The following OCLN variants were observed in gnomAD, a reference collection of about 807,000 sequenced individuals.
OCLN encodes occludin, also known as phosphatase 1, regulatory subunit 115.
In OCLN, 21 loss-of-function variants were observed where a neutral mutation model predicts 47.9. The ratio of observed to expected loss-of-function variants is 0.44; its 90% confidence interval spans 0.31 to 0.63. The LOEUF (loss-of-function observed/expected upper bound fraction) is 0.63. Among genes scored for constraint, OCLN ranks in the 30% least tolerant of loss-of-function variants. The pLI, the probability that OCLN is intolerant of heterozygous loss-of-function variation, is 0.08. For synonymous variants in OCLN, 117 were observed against 198.4 expected (o/e 0.59, Z 3.45); for missense variants, 360 against 571.0 (o/e 0.63, Z 3.77).
chr5:69,548,377 G>A (rs1383383165), intron 7 of OCLN, among the ~76,000 whole-genome samples: 3 of 148,266 alleles, frequency 2.0e-5, no homozygotes, highest in African/African-American at 7.5e-5. Flanking sequence ...GCAGTGGCGT[G>A]ATCTCAGCTC....
rs1445864120 is a variant in OCLN at position 69,547,224 on chromosome 5, G to A, written c.1254-706G>A. On this transcript the variant is annotated intron_variant, in intron 6 of 8. Coordinates refer to ENST00000396442, the MANE Select transcript of OCLN (RefSeq NM_001205254.2). ...AGGAAACAGCCACTTCCAGTCAGCT[G>A]TGCTGCCACTGTGGTGATCAAAGCG... Among the ~76,000 whole-genome samples, 3 of 149,758 alleles carry A rather than the reference G, an allele frequency of 2.0e-5. No individual in the cohort carries two copies. The South Asian group carries it at 6.4e-4, about 32-fold the overall frequency.
chr5:69,501,449 G>C (rs964642147), intron 1 of OCLN, among the ~76,000 whole-genome samples: 1 of 152,058 alleles, frequency 6.6e-6, no homozygotes, highest in African/African-American at 2.4e-5. Flanking sequence ...GGGCAACATG[G>C]TGAAACCTTA....
intron 1 of OCLN, among the ~76,000 whole-genome samples, chr5:69,496,333 C>T (rs1160320218): frequency 6.6e-6 from 1 of 151,980 alleles, no homozygotes; most frequent in Non-Finnish European, 1.5e-5. Context: ...CTCCTGACCT[C>T]GTGATCCTCC....
chr5:69,498,118 C>T (rs975022366), intron 1 of OCLN, among the ~76,000 whole-genome samples: 6 of 151,252 alleles, frequency 4.0e-5, no homozygotes, highest in East Asian at 1.9e-4. Flanking sequence ...GGCGACAGAG[C>T]GAGACTCCGT....
chr5:69,517,079 A>C (rs2112007245), intron 4 of OCLN, among the ~76,000 whole-genome samples: 1 of 152,104 alleles, frequency 6.6e-6, no homozygotes, highest in East Asian at 1.9e-4. Flanking sequence ...ATAAAAATGA[A>C]AAGATGTTTG....
chr5:69,526,667 A>G (rs1349943536), intron 4 of OCLN, among the ~76,000 whole-genome samples: 2 of 151,742 alleles, frequency 1.3e-5, no homozygotes, highest in Non-Finnish European at 2.9e-5. Context: ...GCTGTGAAAG[A>G]AAAAAGTAGA....
chr5:69,509,875 G>A, intron 3 of OCLN, 56 bp downstream of exon 3: 1 of 1,252,662 alleles, frequency 8.0e-7, no homozygotes, highest in Non-Finnish European at 1.2e-6. Flanking sequence ...CCTTCAACTT[G>A]AGATATGTGA....
At chr5:69,547,781 T>A (rs1769747666) in intron 6 of OCLN, 149 bp from the exon 7 acceptor site, 1 of 684,918 alleles carries the variant, frequency 1.5e-6, no homozygotes, top group South Asian at 1.6e-5. Flanking sequence ...TTATTTGTAT[T>A]CTCTCTCTCT....
intron 2 of OCLN, among the ~76,000 whole-genome samples, chr5:69,508,160 AG>A (rs1483255596): frequency 4.6e-5 from 7 of 151,956 alleles, no homozygotes; most frequent in African/African-American, 1.7e-4. Flanking sequence ...TTCGTGCCTC[AG>A]CCTCCCAAGT....
intron 1 of OCLN, among the ~76,000 whole-genome samples, chr5:69,503,320 C>T (rs911200906): frequency 4.6e-5 from 7 of 152,206 alleles, no homozygotes; most frequent in Non-Finnish European, 1.0e-4. Flanking sequence ...TGTTTCCTAC[C>T]TGAAGGAAGT....
chr5:69,502,457 A>C (rs1037306064), intron 1 of OCLN: 1 of 152,198 alleles, frequency 6.6e-6, no homozygotes, highest in Non-Finnish European at 1.5e-5. Context: ...CCATGGTCCA[A>C]TCTGGTTCCT....
Position 69,509,688 on chromosome 5 carries a change from A to G in OCLN, c.598A>G (p.Thr200Ala), listed in dbSNP as rs1211347886. 6.2e-7 allele frequency: 1 copy of G among 1,614,224 alleles called. No individual in the cohort carries two copies. The highest frequency in any genetic ancestry group is 2.2e-5 in the East Asian group (1 of 44,892). ...TIVYIMGVNP[T>A]AQSSGSLYGS... ...TGTCTATATAATGGGAGTGAACCCA[A>G]CTGCTCAGTCTTCTGGATCTCTATA... is the stretch of plus-strand genomic sequence containing the variant. The change falls in exon 3 of 9, where the codon ACT (threonine) becomes GCT (alanine). Residue 200 changes from threonine to alanine, a missense_variant. By Grantham distance (58) the Thr-to-Ala change is moderately conservative (BLOSUM62 0). Coordinates refer to ENST00000396442, the MANE Select transcript of OCLN (RefSeq NM_001205254.2).
intron 4 of OCLN, among the ~76,000 whole-genome samples, chr5:69,522,475 A>G (rs1202719146): frequency 1.3e-5 from 2 of 152,152 alleles, no homozygotes; most frequent in East Asian, 3.8e-4. Flanking sequence ...ATTGAGGTAC[A>G]ATTTATATAC....
chr5:69,520,113 C>G (rs1769091804), intron 4 of OCLN, among the ~76,000 whole-genome samples: 2 of 150,654 alleles, frequency 1.3e-5, no homozygotes, highest in Admixed American at 6.6e-5. Flanking sequence ...TGCCTGCCAC[C>G]ATGTGCAGCT....
At chr5:69,525,097 C>CTTTCT (rs1323201498) in intron 4 of OCLN, among the ~76,000 whole-genome samples, 3 of 151,800 alleles carry the variant, frequency 2.0e-5, no homozygotes, top group Non-Finnish European at 4.4e-5. Flanking sequence ...GTGTACATTT[C>CTTTCT]TTTCTTTTCT....
At chr5:69,533,048 C>CACATATAT (rs1769484007) in intron 4 of OCLN, among the ~76,000 whole-genome samples, 1 of 143,968 alleles carries the variant, frequency 6.9e-6, no homozygotes, top group South Asian at 2.2e-4. Context: ...TGTATATATA[C>CACATATAT]ACATATATAC....
At chr5:69,506,283 G>A (rs1768597434) in intron 2 of OCLN, among the ~76,000 whole-genome samples, 1 of 152,042 alleles carries the variant, frequency 6.6e-6, no homozygotes, top group Admixed American at 6.6e-5. Context: ...TGTCTTTTAA[G>A]AATGAATGAA....
rs1373108981 is a variant in OCLN, at chr5:69,554,337, T to G, written c.*666T>G. On this transcript the variant is annotated 3_prime_UTR_variant, in exon 9 of 9. Transcript: ENST00000396442. ...GTGTGAAATTTAAAGATTGTAAATA[T>G]ATATTTACTTTTTTAAGATCAAAGT... 1.3e-5 allele frequency: 2 copies of G among 151,866 alleles called. No individual in the cohort carries two copies. Among genetic ancestry groups the G allele is most frequent in the Non-Finnish European group, 2.9e-5 (2 of 67,998 alleles). 9.4% of individuals were successfully genotyped at this position (151,866 alleles called of 1,614,324 possible).
chr5:69,553,669 T>C lies in OCLN; in HGVS notation c.1567T>C (p.Ter523GlnextTer13), dbSNP rs763692440. 13 of 1,613,476 alleles carry C rather than the reference T, an allele frequency of 8.1e-6. No individual in the cohort carries two copies. The highest frequency in any genetic ancestry group is 4.4e-5 in the South Asian group (4 of 91,078). ...MVGDYDRQKT[*>Q] ...TGGAGACTATGATAGACAGAAAACA[T>C]AGAAGGCTGATGCCAAGTTGTTTGA... is the stretch of plus-strand genomic sequence containing the variant. Residue 523 changes from the stop codon to glutamine (Q), a stop_lost, in exon 9 of 9, where the codon TAG becomes CAG. Transcript: ENST00000396442.
Sources: allele counts gnomAD v4.1 joint callset (sites outside exome capture counted in the v4.1 genomes callset), GRCh38; gene constraint gnomAD v4.1.1; transcripts MANE v1.5; gene names NCBI Gene and HGNC (gene_info 2026-07-23, HGNC 2026-07-21).